The following PTPRM variants were observed in gnomAD, a reference collection of about 807,000 sequenced individuals.
PTPRM encodes the protein protein tyrosine phosphatase receptor type M.
In PTPRM, 47 loss-of-function variants were observed where a neutral mutation model predicts 186.7. The observed-to-expected ratio is 0.25, with a 90% confidence interval of 0.20 to 0.32. The LOEUF (loss-of-function observed/expected upper bound fraction) is 0.32, where lower values mean the gene tolerates loss of function less well. PTPRM is among the 10% of genes least tolerant of loss of function. The pLI is 1.00. For synonymous variants in PTPRM, 668 were observed against 674.9 expected, an observed-to-expected ratio of 0.99 and a Z score of 0.16; for missense variants, 1,494 against 1,865.0, an observed-to-expected ratio of 0.80 and a Z score of 3.66.
At chr18:7,712,121 C>T (rs2040226198) in intron 1 of PTPRM, among the ~76,000 whole-genome samples, 1 of 152,148 alleles carries the variant, frequency 6.6e-6, no homozygotes, top group African/African-American at 2.4e-5. Context: ...CTCTGGCTGG[C>T]ATCTGACAGG....
At chr18:7,909,998 A>G (rs1276999541) in intron 4 of PTPRM, among the ~76,000 whole-genome samples, 2 of 152,240 alleles carry the variant, frequency 1.3e-5, no homozygotes, top group Non-Finnish European at 1.5e-5. Context: ...TTTTATTACA[A>G]TAGCTTCCTA....
chr18:8,288,218 A>G (rs2094979245), intron 19 of PTPRM, among the ~76,000 whole-genome samples: 2 of 152,182 alleles, frequency 1.3e-5, no homozygotes, highest in African/African-American at 4.8e-5. Context: ...TTCCAAACTG[A>G]TGAAATATTC....
At chr18:7,961,929 A>G (rs1283704203) in intron 7 of PTPRM, among the ~76,000 whole-genome samples, 1 of 152,196 alleles carries the variant, frequency 6.6e-6, no homozygotes, top group Non-Finnish European at 1.5e-5. Context: ...AAAACTTGGA[A>G]TATGTATTAC....
At chr18:7,873,045 T>C (rs1443562283) in intron 2 of PTPRM, among the ~76,000 whole-genome samples, 1 of 152,210 alleles carries the variant, frequency 6.6e-6, no homozygotes, top group Non-Finnish European at 1.5e-5. Context: ...GTTGGTAGTT[T>C]TTAAATGATA....
chr18:8,163,193 ACCTATTCATTTGAATCTCCAAACAACTT>A lies in PTPRM; in HGVS notation c.2300+19444_2300+19471del, dbSNP rs1390573641. Among the ~76,000 whole-genome samples, 7 of 152,154 alleles carry A rather than the reference ACCTATTCATTTGAATCTCCAAACAACTT, an allele frequency of 4.6e-5. No homozygotes were observed. The South Asian group carries it at 6.2e-4, about 14-fold the overall frequency. On this transcript the variant is annotated intron_variant, in intron 14 of 32. Coordinates refer to ENST00000580170, the MANE Select transcript of PTPRM (RefSeq NM_001105244.2). The stretch of plus-strand genomic sequence containing the variant: ...CTGTGCTGGTGCCTGGACTTAAACA[ACCTATTCATTTGAATCTCCAAACAACTT>A]CCTATTCATTTGAATCTCCAAACAA...
At position 7,568,241 on chromosome 18, in the gene PTPRM, T is replaced by G. The variant is rs957293422; in HGVS notation, c.73+350T>G. Among the ~76,000 whole-genome samples the G allele has an allele frequency of 2.0e-4, 31 of 151,892 alleles. 1 individual carries two copies. The East Asian group carries it at 5.1e-3, about 25-fold the overall frequency. ...CTGCAAAAGGAACAGCAGAAAACTTTGCTTGAAGTTCCCAGTTGCAGCCGC... is the reference window on the plus strand; with the variant it reads ...CTGCAAAAGGAACAGCAGAAAACTTGGCTTGAAGTTCCCAGTTGCAGCCGC... On this transcript the variant is annotated intron_variant, in intron 1 of 32. Transcript: ENST00000580170. The surrounding 1 kb of genome is among the most constrained non-coding windows in gnomAD (Gnocchi z 5.1).
intron 7 of PTPRM, among the ~76,000 whole-genome samples, chr18:7,963,903 G>A (rs2053846603): frequency 6.6e-6 from 1 of 152,200 alleles, no homozygotes; most frequent in South Asian, 2.1e-4. Context: ...TGCAGCCCCT[G>A]ACATGTTTGA....
At chr18:8,403,929 C>T (rs979384441) in intron 32 of PTPRM, 1 of 152,142 alleles carries the variant, frequency 6.6e-6, no homozygotes, top group African/African-American at 2.4e-5. Flanking sequence ...AGTAATATTC[C>T]ACTTTATGGC....
At chr18:7,725,824 G>C (rs980918453) in intron 1 of PTPRM, among the ~76,000 whole-genome samples, 1 of 152,074 alleles carries the variant, frequency 6.6e-6, no homozygotes, top group African/African-American at 2.4e-5. Flanking sequence ...CAGTTCGTTC[G>C]TGTGACCTCA....
At chr18:8,226,533 T>C (rs535743438) in intron 14 of PTPRM, among the ~76,000 whole-genome samples, 93 of 152,310 alleles carry the variant, frequency 6.1e-4, no homozygotes, top group Middle Eastern at 3.4e-3. Context: ...TTAGGATAAA[T>C]TAATAAGAAA....
At chr18:7,772,505 C>CCTTCT (rs2042375891) in intron 1 of PTPRM, among the ~76,000 whole-genome samples, 1 of 118,456 alleles carries the variant, frequency 8.4e-6, no homozygotes, top group South Asian at 2.9e-4. Flanking sequence ...TTCCTTCCTT[C>CCTTCT]TTTTTTTTCT....
At chr18:7,584,407 T>C (rs1376046796) in intron 1 of PTPRM, among the ~76,000 whole-genome samples, 2 of 152,222 alleles carry the variant, frequency 1.3e-5, no homozygotes, top group African/African-American at 4.8e-5. Context: ...TTAGGAGATC[T>C]GAGCTCTGAT....
chr18:8,026,092 T>C (rs1171327672), intron 7 of PTPRM, among the ~76,000 whole-genome samples: 1 of 152,186 alleles, frequency 6.6e-6, no homozygotes, highest in Non-Finnish European at 1.5e-5. Flanking sequence ...CTTAGACAAA[T>C]TGCTAGGCTA....
intron 23 of PTPRM, chr18:8,366,971 T>C (rs1568839904): frequency 6.6e-6 from 1 of 152,266 alleles, no homozygotes; most frequent in Admixed American, 6.5e-5. Flanking sequence ...TCCCGTTCCT[T>C]GGTTCCTGGG....
intron 2 of PTPRM, among the ~76,000 whole-genome samples, chr18:7,792,562 A>G (rs1302009862): frequency 6.6e-6 from 1 of 152,226 alleles, no homozygotes; most frequent in African/African-American, 2.4e-5. Context: ...TCCATTGATT[A>G]TATGACTGAC....
At chr18:7,666,251 T>A in intron 1 of PTPRM, among the ~76,000 whole-genome samples, 1 of 152,200 alleles carries the variant, frequency 6.6e-6, no homozygotes. Flanking sequence ...TATTTTCTCT[T>A]CTCTTTCTGT....
intron 7 of PTPRM, among the ~76,000 whole-genome samples, chr18:8,025,538 G>C (rs1391474686): frequency 6.6e-6 from 1 of 152,166 alleles, no homozygotes; most frequent in Admixed American, 6.5e-5. Flanking sequence ...CTCAAGGAAG[G>C]TGTTTGTTGA....
At chr18:8,013,846 ACTC>A (rs2084690765) in intron 7 of PTPRM, among the ~76,000 whole-genome samples, 1 of 152,044 alleles carries the variant, frequency 6.6e-6, no homozygotes, top group African/African-American at 2.4e-5. Flanking sequence ...GAGTTATAAA[ACTC>A]CACTTTTAGA....
intron 11 of PTPRM, among the ~76,000 whole-genome samples, chr18:8,090,850 C>G (rs561647171): frequency 2.8e-4 from 43 of 152,280 alleles, no homozygotes; most frequent in African/African-American, 8.7e-4. Context: ...CCATCTTGGC[C>G]TCCCAAAGTG....
Sources: allele counts gnomAD v4.1 joint callset (sites outside exome capture counted in the v4.1 genomes callset), GRCh38; gene constraint gnomAD v4.1.1; non-coding constraint Gnocchi (gnomAD v3.1); transcripts MANE v1.5; gene names NCBI Gene and HGNC (gene_info 2026-07-23, HGNC 2026-07-21).